Variants in PCDH7 observed in about 807,000 individuals in gnomAD.
PCDH7 encodes protocadherin-7.
Under a neutral mutation model 58.9 loss-of-function variants are expected in PCDH7, and 17 were observed. The observed-to-expected ratio is 0.29, with a 90% CI of 0.20 to 0.43. The LOEUF is 0.43. Ranked by LOEUF, PCDH7 falls within the 20% of genes least tolerant of loss-of-function variation. The pLI is 1.00. For missense variants in PCDH7, 1,274 were observed against 1,441.0 expected (o/e 0.88, Z 1.88); for synonymous variants, 664 against 616.4 (o/e 1.08, Z -1.14).
intron 3 of PCDH7, among the ~76,000 whole-genome samples, chr4:31,086,750 G>A (rs563769577): frequency 9.9e-5 from 15 of 152,172 alleles, no homozygotes; most frequent in African/African-American, 3.4e-4. Flanking sequence ...AACATACCTG[G>A]CATATTAACA....
rs190328375 is a variant in PCDH7 at position 30,851,827 on chromosome 4, A to G, written c.71-68326A>G. On this transcript the variant is annotated intron_variant, in intron 1 of 3. Coordinates refer to the PCDH7 transcript ENST00000509759. ...GGTAAACTCGATGGAAAGTGATAAT[A>G]TGAGTCAGTATTGGGATATATTTAC... Among the ~76,000 whole-genome samples the G allele has an allele frequency of 1.2e-4, 19 of 152,214 alleles. No individual in the cohort carries two copies. The East Asian group carries it at 3.7e-3, about 29-fold the overall frequency.
intron 1 of PCDH7, among the ~76,000 whole-genome samples, chr4:30,890,330 GA>G (rs1221318651): frequency 6.6e-6 from 1 of 151,884 alleles, no homozygotes; most frequent in Non-Finnish European, 1.5e-5. Context: ...TGAGGTGATA[GA>G]AAAAATACCT....
At chr4:31,020,407 G>A (rs541544873) in intron 3 of PCDH7, among the ~76,000 whole-genome samples, 1 of 152,340 alleles carries the variant, frequency 6.6e-6, no homozygotes, top group Admixed American at 6.5e-5. Flanking sequence ...CTTGCTATGT[G>A]TGTGTATGTG....
chr4:30,795,816 G>A (rs1362445929), intron 1 of PCDH7, among the ~76,000 whole-genome samples: 6 of 152,078 alleles, frequency 3.9e-5, no homozygotes, highest in Non-Finnish European at 8.8e-5. Context: ...ATAAAACATG[G>A]TAATATTTGT....
chr4:30,924,114 A>G (rs1743537943), intron 2 of PCDH7, among the ~76,000 whole-genome samples: 1 of 152,164 alleles, frequency 6.6e-6, no homozygotes, highest in Non-Finnish European at 1.5e-5. Flanking sequence ...CTTTAGGTCT[A>G]TTGTATTTAT....
chr4:30,781,242 G>A (rs558215934), intron 1 of PCDH7, among the ~76,000 whole-genome samples: 28 of 150,724 alleles, frequency 1.9e-4, no homozygotes, highest in Non-Finnish European at 3.7e-4. Context: ...TTGAGTTCAG[G>A]CCATTCTTCT....
intron 3 of PCDH7, among the ~76,000 whole-genome samples, chr4:31,123,652 C>A (rs2109326883): frequency 6.6e-6 from 1 of 152,278 alleles, no homozygotes; most frequent in South Asian, 2.1e-4. Context: ...AAGTGTTAAA[C>A]AGCTCAGTGA....
intron 3 of PCDH7, among the ~76,000 whole-genome samples, chr4:31,065,035 A>G (rs2109243609): frequency 6.6e-6 from 1 of 152,068 alleles, no homozygotes; most frequent in East Asian, 1.9e-4. Flanking sequence ...AAGAGTTTTA[A>G]TTTAGAATTT....
At chr4:30,838,063 G>A (rs571800475) in intron 1 of PCDH7, among the ~76,000 whole-genome samples, 1 of 151,846 alleles carries the variant, frequency 6.6e-6, no homozygotes, top group African/African-American at 2.4e-5. Context: ...GGCTAGGAGA[G>A]ATAATCGACT....
intron 1 of PCDH7, among the ~76,000 whole-genome samples, chr4:30,905,986 C>T (rs1311346242): frequency 6.6e-6 from 1 of 152,070 alleles, no homozygotes; most frequent in Non-Finnish European, 1.5e-5. Context: ...CAAACATATT[C>T]CAAGGAACTT....
intron 3 of PCDH7, among the ~76,000 whole-genome samples, chr4:31,118,914 G>A (rs551352466): frequency 2.2e-4 from 34 of 152,246 alleles, no homozygotes; most frequent in Admixed American, 5.2e-4. Context: ...ATATGTAACA[G>A]CTCCTGTTGG....
chr4:30,960,380 A>G (rs1396441560), intron 3 of PCDH7, among the ~76,000 whole-genome samples: 1 of 152,162 alleles, frequency 6.6e-6, no homozygotes, highest in African/African-American at 2.4e-5. Flanking sequence ...AGTGAATCAG[A>G]CATCCCAGTA....
intron 3 of PCDH7, among the ~76,000 whole-genome samples, chr4:30,955,525 C>T (rs12512778): frequency 1.9e-5 from 2 of 105,620 alleles, no homozygotes; most frequent in African/African-American, 5.3e-5. Flanking sequence ...TATTTTATTT[C>T]ATTTTATTTT....
At chr4:30,754,805 G>A (rs2109262329) in intron 1 of PCDH7, among the ~76,000 whole-genome samples, 1 of 152,166 alleles carries the variant, frequency 6.6e-6, no homozygotes, top group East Asian at 1.9e-4. Flanking sequence ...TTAACAAGTA[G>A]ATGGGCAGTG....
chr4:31,130,903 A>G (rs1340257499), intron 3 of PCDH7, among the ~76,000 whole-genome samples: 1 of 152,174 alleles, frequency 6.6e-6, no homozygotes, highest in Admixed American at 6.5e-5. Flanking sequence ...AGGTTAGTTT[A>G]TTAGCAACCA....
chr4:30,803,347 A>C (rs9654124), intron 1 of PCDH7, among the ~76,000 whole-genome samples: 2,750 of 152,320 alleles, frequency 0.018, 93 homozygotes, highest in African/African-American at 0.062. Context: ...ATATGTCATC[A>C]AAGTCATTGA....
At position 30,861,525 on chromosome 4, in the gene PCDH7, C is replaced by T. The variant is rs192733888; in HGVS notation, c.71-58628C>T. Among the ~76,000 whole-genome samples, 262 of 152,260 alleles carry T rather than the reference C, an allele frequency of 1.7e-3. 2 individuals carry two copies. The highest frequency in any genetic ancestry group is 1.9e-3 in the Non-Finnish European group (127 of 68,014). On this transcript the variant is annotated intron_variant, in intron 1 of 3. Coordinates refer to the PCDH7 transcript ENST00000509759. ...TTCTGCTGTGTATCCCTTATTTCAA[C>T]ACTTGTGAATTGAGGGATTTAGGAT...
chr4:30,830,139 T>C (rs1729588868), intron 1 of PCDH7, among the ~76,000 whole-genome samples: 1 of 152,136 alleles, frequency 6.6e-6, no homozygotes, highest in African/African-American at 2.4e-5. Context: ...CTGATTCAAC[T>C]ATGATACCTA....
At chr4:30,799,892 C>T (rs931308258) in intron 1 of PCDH7, among the ~76,000 whole-genome samples, 1 of 150,634 alleles carries the variant, frequency 6.6e-6, no homozygotes, top group Non-Finnish European at 1.5e-5. Context: ...CTCACTCTGT[C>T]ACCCAGGCTG....
Sources: allele counts gnomAD v4.1 joint callset (sites outside exome capture counted in the v4.1 genomes callset), GRCh38; gene constraint gnomAD v4.1.1; transcripts MANE v1.5; gene names NCBI Gene and HGNC (gene_info 2026-07-23, HGNC 2026-07-21).